The following OPCML variants were observed in gnomAD, a reference collection of about 807,000 sequenced individuals.
OPCML encodes the protein opioid binding protein/cell adhesion molecule like.
Under a neutral mutation model 37.8 loss-of-function variants are expected in OPCML, and 13 were observed. The ratio of observed to expected loss-of-function variants is 0.34; its 90% CI spans 0.22 to 0.55. The LOEUF (loss-of-function observed/expected upper bound fraction) is 0.55. Ranked by LOEUF, OPCML falls within the 20% of genes least tolerant of loss-of-function variation. OPCML has a pLI of 0.91. For synonymous variants in OPCML, 176 were observed against 168.8 expected (o/e 1.04, Z -0.33); for missense variants, 341 against 435.6 (o/e 0.78, Z 1.93).
chr11:132,441,372 T>G (rs1330605766), intron 4 of OPCML, among the ~76,000 whole-genome samples: 4 of 151,022 alleles, frequency 2.6e-5, no homozygotes, highest in Non-Finnish European at 5.9e-5. Context: ...GTTTCACCGT[T>G]TTAGCCGGGA....
At chr11:132,936,101 A>G (rs1404856723) in intron 2 of OPCML, among the ~76,000 whole-genome samples, 1 of 152,178 alleles carries the variant, frequency 6.6e-6, no homozygotes, top group Non-Finnish European at 1.5e-5. Context: ...GCTTCACTTG[A>G]GTGCGGGTGA....
intron 2 of OPCML, among the ~76,000 whole-genome samples, chr11:132,894,395 C>T (rs898820465): frequency 6.6e-6 from 1 of 152,230 alleles, no homozygotes. Flanking sequence ...AAGACTCTGT[C>T]TAAGGCACTG....
intron 1 of OPCML, among the ~76,000 whole-genome samples, chr11:133,254,274 C>T (rs1447875691): frequency 6.6e-6 from 1 of 152,102 alleles, no homozygotes; most frequent in Non-Finnish European, 1.5e-5. Flanking sequence ...GGCGATGCAG[C>T]CCCAGAAAGA....
chr11:132,424,957 G>C (rs184159401), intron 7 of OPCML, among the ~76,000 whole-genome samples: 3 of 152,308 alleles, frequency 2.0e-5, no homozygotes, highest in Admixed American at 2.0e-4. Flanking sequence ...GCAGCTGAGA[G>C]AGACCACTGG....
intron 4 of OPCML, among the ~76,000 whole-genome samples, chr11:132,450,276 A>T (rs924226770): frequency 6.6e-6 from 1 of 152,224 alleles, no homozygotes; most frequent in African/African-American, 2.4e-5. Context: ...GGAAGCATGG[A>T]GCCTCCATCT....
chr11:132,543,489 G>A (rs1382584533), intron 3 of OPCML, among the ~76,000 whole-genome samples: 1 of 151,808 alleles, frequency 6.6e-6, no homozygotes, highest in African/African-American at 2.4e-5. Context: ...CTCCAGCCTG[G>A]AGTACGGTGT....
intron 4 of OPCML, among the ~76,000 whole-genome samples, chr11:132,479,020 T>C (rs1315303752): frequency 2.0e-5 from 3 of 152,130 alleles, no homozygotes; most frequent in South Asian, 2.1e-4. Context: ...TAGTTCTTAA[T>C]AGGGAGAGGA....
At chr11:132,791,420 A>C (rs1436729934) in intron 2 of OPCML, among the ~76,000 whole-genome samples, 1 of 152,156 alleles carries the variant, frequency 6.6e-6, no homozygotes, top group Non-Finnish European at 1.5e-5. Flanking sequence ...TATAGTTCTA[A>C]AATCTCTAAT....
intron 1 of OPCML, among the ~76,000 whole-genome samples, chr11:133,491,991 G>A (rs1428515192): frequency 6.6e-6 from 1 of 152,204 alleles, no homozygotes; most frequent in Non-Finnish European, 1.5e-5. Context: ...GTAGGCAGGA[G>A]AGGAGATGAG....
chr11:132,664,325 C>G (rs559431903), intron 2 of OPCML, among the ~76,000 whole-genome samples: 2 of 152,136 alleles, frequency 1.3e-5, no homozygotes, highest in South Asian at 4.1e-4. Context: ...ATCCTTGACC[C>G]CTGCTTTTAA....
chr11:133,439,488 G>T (rs1220340457), intron 1 of OPCML: 6 of 969,050 alleles, frequency 6.2e-6, no homozygotes, highest in Non-Finnish European at 7.4e-6. Flanking sequence ...TCTTTTTTGA[G>T]ATGGAGTCTC....
At chr11:132,539,798 A>G (rs1244520629) in intron 3 of OPCML, among the ~76,000 whole-genome samples, 2 of 151,834 alleles carry the variant, frequency 1.3e-5, no homozygotes, top group Non-Finnish European at 2.9e-5. Context: ...TAATGACGGT[A>G]ATGATGATGG....
At position 132,452,524 on chromosome 11, in the gene OPCML, TCTTTCAGCCTG is replaced by T. The variant is rs2096071089; in HGVS notation, c.506-15176_506-15166del. Among the ~76,000 whole-genome samples the T allele has an allele frequency of 4.8e-5, 7 of 144,336 alleles. No individual in the cohort carries two copies. In the South Asian group the frequency reaches 1.8e-3, roughly 36 times the overall value. 94.7% of individuals were successfully genotyped at this position (144,336 alleles called of 152,430 possible). On this transcript the variant is annotated intron_variant, in intron 4 of 7. Coordinates refer to ENST00000524381, the MANE Select transcript of OPCML (RefSeq NM_001012393.5). The stretch of plus-strand genomic sequence containing the variant: ...TTCCTTCCTTCCTTCCTTCCTTCCT[TCTTTCAGCCTG>T]CCTGCCTGCCTGCCTTCCTTTTTTC...
chr11:132,952,514 T>G (rs1259837381), intron 1 of OPCML, among the ~76,000 whole-genome samples: 1 of 152,242 alleles, frequency 6.6e-6, no homozygotes, highest in African/African-American at 2.4e-5. Context: ...TCATTGGTTT[T>G]CCTAGTCAGC....
chr11:133,176,594 A>G (rs1471994363), intron 1 of OPCML, among the ~76,000 whole-genome samples: 1 of 151,984 alleles, frequency 6.6e-6, no homozygotes, highest in Non-Finnish European at 1.5e-5. Context: ...AAGCTCTCCT[A>G]AGACCTGGTT....
chr11:132,543,958 T>C (rs536746802), intron 3 of OPCML, among the ~76,000 whole-genome samples: 9 of 152,164 alleles, frequency 5.9e-5, no homozygotes, highest in Non-Finnish European at 1.3e-4. Flanking sequence ...CCACATTTTC[T>C]TACTCTTGAA....
intron 2 of OPCML, among the ~76,000 whole-genome samples, chr11:132,840,205 A>G (rs1019280884): frequency 2.0e-5 from 3 of 152,196 alleles, no homozygotes; most frequent in Admixed American, 1.3e-4. Flanking sequence ...TTTAGCTTGC[A>G]TGTGTAGGGT....
intron 1 of OPCML, among the ~76,000 whole-genome samples, chr11:133,034,357 G>A (rs1947735236): frequency 6.8e-6 from 1 of 146,392 alleles, no homozygotes; most frequent in African/African-American, 2.5e-5. Flanking sequence ...CAGAGGGAGA[G>A]AGAGAGACAG....
chr11:133,030,587 T>C (rs1024641238), intron 1 of OPCML, among the ~76,000 whole-genome samples: 2 of 152,180 alleles, frequency 1.3e-5, no homozygotes, highest in African/African-American at 4.8e-5. Flanking sequence ...GTGCAAGATA[T>C]TATTAATATT....
Sources: allele counts gnomAD v4.1 joint callset (sites outside exome capture counted in the v4.1 genomes callset), GRCh38; gene constraint gnomAD v4.1.1; transcripts MANE v1.5; gene names NCBI Gene and HGNC (gene_info 2026-07-23, HGNC 2026-07-21).